GPC5: variants seen among roughly 807,000 people sequenced by gnomAD.
GPC5 encodes glypican 5, also known as glypican-5.
Under a neutral mutation model 53.9 loss-of-function variants are expected in GPC5, and 47 were observed. The ratio of observed to expected loss-of-function variants is 0.87; its 90% CI spans 0.69 to 1.11. GPC5 has a LOEUF of 1.11. Ranked by LOEUF, GPC5 falls within the 50% of genes most tolerant of loss-of-function variation. The pLI is 0.00. For missense variants in GPC5, 748 were observed against 713.1 expected (o/e 1.05, Z -0.56); for synonymous variants, 286 against 263.3 (o/e 1.09, Z -0.84).
At chr13:92,021,015 G>A (rs947500061) in intron 6 of GPC5, among the ~76,000 whole-genome samples, 2 of 151,882 alleles carry the variant, frequency 1.3e-5, no homozygotes, top group African/African-American at 4.8e-5. Flanking sequence ...ATAAAATAAG[G>A]GTCTAATTTC....
chr13:92,812,148 G>T (rs1213587028), intron 7 of GPC5, among the ~76,000 whole-genome samples: 2 of 151,830 alleles, frequency 1.3e-5, no homozygotes, highest in Non-Finnish European at 2.9e-5. Context: ...GATAAGAAGT[G>T]CATTGAACCT....
intron 6 of GPC5, among the ~76,000 whole-genome samples, chr13:91,908,847 G>A (rs576397778): frequency 6.6e-6 from 1 of 152,078 alleles, no homozygotes; most frequent in South Asian, 2.1e-4. Context: ...AACTTTGTAT[G>A]GGTAGTTGAT....
At chr13:91,791,788 C>G (rs1167110928) in intron 5 of GPC5, among the ~76,000 whole-genome samples, 1 of 152,096 alleles carries the variant, frequency 6.6e-6, no homozygotes, top group African/African-American at 2.4e-5. Context: ...ATCTCTCTCT[C>G]TAGATGGTTA....
At chr13:91,675,847 G>A (rs1290579129) in intron 2 of GPC5, among the ~76,000 whole-genome samples, 3 of 152,210 alleles carry the variant, frequency 2.0e-5, no homozygotes, top group African/African-American at 7.2e-5. Flanking sequence ...AGATGAAAGA[G>A]TGGAGGAGAT....
rs1156303505 is a variant in GPC5, at chr13:92,031,747, A to G, written c.1402-113083A>G. Among the ~76,000 whole-genome samples, 8 of 85,972 alleles carry G rather than the reference A, an allele frequency of 9.3e-5. 1 individual carries two copies. Among genetic ancestry groups the G allele is most frequent in the Non-Finnish European group, 1.6e-4 (8 of 49,042 alleles). The allele number at this position is 85,972 out of a possible 152,430, so 56.4% of individuals were successfully genotyped here. On this transcript the variant is annotated intron_variant, in intron 6 of 7. Coordinates refer to ENST00000377067, the MANE Select transcript of GPC5 (RefSeq NM_004466.6). ...TAATATATTACATATTATATATAAT[A>G]TATATTATATTACATATTATATATA...
At chr13:92,243,734 C>A (rs1423238236) in intron 7 of GPC5, among the ~76,000 whole-genome samples, 3 of 151,866 alleles carry the variant, frequency 2.0e-5, no homozygotes, top group Non-Finnish European at 2.9e-5. Flanking sequence ...AATTCAAGAG[C>A]CTGGAATTAA....
chr13:91,498,315 C>T (rs1462934983), intron 2 of GPC5, among the ~76,000 whole-genome samples: 1 of 113,590 alleles, frequency 8.8e-6, no homozygotes, highest in Non-Finnish European at 1.8e-5. Flanking sequence ...TATTGCTTTA[C>T]TTTTTGTTCT....
intron 5 of GPC5, among the ~76,000 whole-genome samples, chr13:91,845,321 G>A (rs576542857): frequency 5.9e-5 from 9 of 151,756 alleles, no homozygotes; most frequent in African/African-American, 1.9e-4. Flanking sequence ...TAATCGTTTA[G>A]TCTTTTTTCA....
chr13:91,850,822 T>A (rs760263893), intron 5 of GPC5, among the ~76,000 whole-genome samples: 3 of 152,206 alleles, frequency 2.0e-5, no homozygotes, highest in Non-Finnish European at 4.4e-5. Context: ...AGAAAAAGGT[T>A]GTTTTGTGTT....
intron 7 of GPC5, among the ~76,000 whole-genome samples, chr13:92,170,046 A>T (rs1457633572): frequency 6.6e-6 from 1 of 152,086 alleles, no homozygotes; most frequent in African/African-American, 2.4e-5. Flanking sequence ...TAAGATTTCC[A>T]CTTATAAGAA....
intron 2 of GPC5, among the ~76,000 whole-genome samples, chr13:91,581,986 C>T (rs1017540310): frequency 6.6e-6 from 1 of 152,090 alleles, no homozygotes; most frequent in African/African-American, 2.4e-5. Flanking sequence ...AAATGAAACC[C>T]AGGATGCTAA....
chr13:91,784,541 A>G (rs1440473348), intron 5 of GPC5, among the ~76,000 whole-genome samples: 1 of 152,152 alleles, frequency 6.6e-6, no homozygotes, highest in Non-Finnish European at 1.5e-5. Context: ...CCTGACCAAG[A>G]TGGAAAAACC....
At chr13:91,416,185 C>A in intron 1 of GPC5, among the ~76,000 whole-genome samples, 1 of 152,080 alleles carries the variant, frequency 6.6e-6, no homozygotes. Context: ...CCATTCCCAC[C>A]CAAAATGTAG....
At chr13:92,050,758 G>A (rs928861936) in intron 6 of GPC5, among the ~76,000 whole-genome samples, 1 of 151,868 alleles carries the variant, frequency 6.6e-6, no homozygotes, top group Admixed American at 6.6e-5. Flanking sequence ...CACAAATTGG[G>A]GCATCATTTT....
chr13:92,259,056 G>T (rs1451880526), intron 7 of GPC5, among the ~76,000 whole-genome samples: 1 of 152,190 alleles, frequency 6.6e-6, no homozygotes, highest in East Asian at 1.9e-4. Flanking sequence ...AATGCTGCTT[G>T]ATTATTTTGA....
At chr13:92,489,334 T>C (rs1879674112) in intron 7 of GPC5, among the ~76,000 whole-genome samples, 1 of 152,214 alleles carries the variant, frequency 6.6e-6, no homozygotes. Context: ...ATCTTGTGAC[T>C]CACCAATTCT....
intron 7 of GPC5, among the ~76,000 whole-genome samples, chr13:92,689,294 T>C (rs1394058181): frequency 4.9e-5 from 2 of 40,700 alleles, no homozygotes; most frequent in African/African-American, 1.0e-4. Context: ...CTCCTCTTGT[T>C]GAATTGATCC....
intron 7 of GPC5, among the ~76,000 whole-genome samples, chr13:92,640,386 A>G (rs1885555773): frequency 6.6e-6 from 1 of 151,962 alleles, no homozygotes; most frequent in African/African-American, 2.4e-5. Context: ...CAGCCTCCTG[A>G]GTAGCTGGGA....
intron 2 of GPC5, among the ~76,000 whole-genome samples, chr13:91,557,815 G>C (rs1359099359): frequency 1.3e-5 from 2 of 152,068 alleles, no homozygotes; most frequent in African/African-American, 4.8e-5. Context: ...AGGCATTTCT[G>C]CCTTCAAATA....
Sources: gnomAD v4.1 joint callset for allele counts (sites outside exome capture counted in the v4.1 genomes callset) on GRCh38, gnomAD v4.1.1 for gene constraint, MANE v1.5 for transcripts, NCBI Gene and HGNC (gene_info 2026-07-23, HGNC 2026-07-21) for gene names.